Variants in CBFB observed in about 807,000 individuals in gnomAD.
CBFB encodes core-binding factor subunit beta, also known as CBF-beta.
Under a neutral mutation model 30.4 loss-of-function variants are expected in CBFB, and 9 were observed. That is an observed-to-expected ratio of 0.30 (90% confidence interval 0.18 to 0.52). CBFB has a LOEUF of 0.52. CBFB is among the 20% of genes least tolerant of loss of function. The probability of loss-of-function intolerance (pLI) is 0.97; values close to 1 mark genes in which losing one functional copy is unlikely to be tolerated. For missense variants in CBFB, 170 were observed against 244.0 expected (o/e 0.70, Z 2.02); for synonymous variants, 94 against 84.0 (o/e 1.12, Z -0.65).
At chr16:67,057,436 TTTGA>T (rs548088176) in intron 3 of CBFB, among the ~76,000 whole-genome samples, 38 of 152,326 alleles carry the variant, frequency 2.5e-4, no homozygotes, top group African/African-American at 8.4e-4. Context: ...TTTTTACATC[TTTGA>T]TTAAGTTTTA....
chr16:67,057,694 T>A (rs1960770774), intron 3 of CBFB, among the ~76,000 whole-genome samples: 1 of 152,250 alleles, frequency 6.6e-6, no homozygotes, highest in Non-Finnish European at 1.5e-5. Context: ...GTTAGTTATG[T>A]TAATTTTGTT....
At chr16:67,045,462 G>A (rs1017292077) in intron 3 of CBFB, among the ~76,000 whole-genome samples, 3 of 151,934 alleles carry the variant, frequency 2.0e-5, no homozygotes, top group Non-Finnish European at 2.9e-5. Flanking sequence ...GGTTGCAGTG[G>A]GCTGAGATTG....
Position 67,066,745 on chromosome 16 carries a change from C to T in CBFB, c.346C>T (p.Leu116Phe), listed in dbSNP as rs1397697429. The change falls in exon 4 of 6, where the codon CTC becomes TTC. Residue 116 changes from leucine (L) to phenylalanine (F), a missense_variant. By Grantham distance (22) the Leu-to-Phe change is conservative. Coordinates refer to ENST00000412916, the MANE Select transcript of CBFB (RefSeq NM_022845.3). ...VCVIWKGWID[L>F]QRLDGMGCLE... ...TGTTATCTGGAAAGGCTGGATTGATCTCCAAAGACTGGATGGTATGGGCTG... is the reference window on the plus strand; with the variant it reads ...TGTTATCTGGAAAGGCTGGATTGATTTCCAAAGACTGGATGGTATGGGCTG... 7 of 1,610,606 alleles carry T rather than the reference C, an allele frequency of 4.3e-6. No individual in the cohort carries two copies. The highest frequency in any genetic ancestry group is 1.3e-5 in the African/African-American group (1 of 74,788).
chr16:67,053,159 A>G (rs74461096), intron 3 of CBFB, among the ~76,000 whole-genome samples: 1 of 151,886 alleles, frequency 6.6e-6, no homozygotes, highest in African/African-American at 2.4e-5. Flanking sequence ...ATCTCTAAAT[A>G]ACGCATTGTT....
intron 5 of CBFB, among the ~76,000 whole-genome samples, chr16:67,097,738 C>T (rs75271906): frequency 3.3e-5 from 5 of 152,056 alleles, no homozygotes; most frequent in Non-Finnish European, 7.3e-5. Flanking sequence ...AATAATAGCA[C>T]TTATGTCATA....
chr16:67,074,003 C>T (rs1027062236), intron 4 of CBFB, among the ~76,000 whole-genome samples: 1 of 152,076 alleles, frequency 6.6e-6, no homozygotes, highest in African/African-American at 2.4e-5. Flanking sequence ...CACTCCAAGC[C>T]TGGGCAACAG....
chr16:67,072,627 C>T (rs1015801008), intron 4 of CBFB, among the ~76,000 whole-genome samples: 14 of 152,074 alleles, frequency 9.2e-5, no homozygotes, highest in Admixed American at 4.6e-4. Flanking sequence ...CCACCATGCC[C>T]GGCTAATTTT....
chr16:67,046,885 A>G (rs145269033), intron 3 of CBFB, among the ~76,000 whole-genome samples: 104 of 152,324 alleles, frequency 6.8e-4, no homozygotes, highest in Middle Eastern at 3.4e-3. Context: ...GTGATATGGT[A>G]GACTTTAATT....
chr16:67,080,732 C>G (rs1226166579), intron 4 of CBFB, among the ~76,000 whole-genome samples: 1 of 152,146 alleles, frequency 6.6e-6, no homozygotes, highest in African/African-American at 2.4e-5. Context: ...TGCTGTTCAT[C>G]TTCATTTATA....
At chr16:67,075,221 G>GTGTT (rs2145761913) in intron 4 of CBFB, among the ~76,000 whole-genome samples, 1 of 146,658 alleles carries the variant, frequency 6.8e-6, no homozygotes, top group South Asian at 2.2e-4. Flanking sequence ...GTGTGTGTGT[G>GTGTT]TGTGTGTGTG....
intron 4 of CBFB, among the ~76,000 whole-genome samples, chr16:67,069,342 C>A (rs1467577949): frequency 6.6e-6 from 1 of 151,796 alleles, no homozygotes; most frequent in Non-Finnish European, 1.5e-5. Flanking sequence ...TGCACTCCAG[C>A]CTGGGCGACA....
chr16:67,064,651 T>A (rs1239156900), intron 3 of CBFB, among the ~76,000 whole-genome samples: 1 of 152,204 alleles, frequency 6.6e-6, no homozygotes, highest in African/African-American at 2.4e-5. Context: ...AACACCGTCC[T>A]TTCTGGGTGG....
chr16:67,029,403 G>C lies in CBFB; in HGVS notation c.-5G>C. 3.9e-6 allele frequency: 6 copies of C among 1,553,500 alleles called. No homozygotes were observed. Among genetic ancestry groups the C allele is most frequent in the Non-Finnish European group, 5.2e-6 (6 of 1,153,088 alleles). ...GGCCGGCCGGCGCGGCCTCAGGGCG[G>C]GAAGATGCCGCGCGTCGTGCCCGAC... On this transcript the variant is annotated 5_prime_UTR_variant, in exon 1 of 6. Transcript: ENST00000412916.
intron 3 of CBFB, among the ~76,000 whole-genome samples, chr16:67,037,666 A>ATTTT (rs35804914): frequency 1.8e-4 from 23 of 129,290 alleles, no homozygotes; most frequent in African/African-American, 5.6e-4. Context: ...GATTTTGGTA[A>ATTTT]TTTTTTTTTT....
At chr16:67,090,668 G>T (rs1354803144) in intron 5 of CBFB, among the ~76,000 whole-genome samples, 2 of 152,104 alleles carry the variant, frequency 1.3e-5, no homozygotes, top group African/African-American at 2.4e-5. Context: ...AGGTGACAGG[G>T]TGCTTAAAGA....
At chr16:67,036,842 G>T in intron 3 of CBFB, 87 bp downstream of exon 3, 1 of 802,268 alleles carries the variant, frequency 1.2e-6, no homozygotes, top group Non-Finnish European at 2.2e-6. Flanking sequence ...AAAGATCACA[G>T]ATCTGATTAT....
chr16:67,047,269 T>C (rs1966643876), intron 3 of CBFB, among the ~76,000 whole-genome samples: 1 of 152,176 alleles, frequency 6.6e-6, no homozygotes, highest in South Asian at 2.1e-4. Context: ...CAATGCCATG[T>C]GTGGAAACTA....
intron 2 of CBFB, among the ~76,000 whole-genome samples, chr16:67,030,874 G>GT (rs2145704780): frequency 6.6e-6 from 1 of 152,314 alleles, no homozygotes; most frequent in East Asian, 1.9e-4. Flanking sequence ...GATTACAGGC[G>GT]TGAGCCACTG....
intron 3 of CBFB, among the ~76,000 whole-genome samples, chr16:67,060,840 C>T (rs1398437805): frequency 6.6e-6 from 1 of 152,232 alleles, no homozygotes; most frequent in African/African-American, 2.4e-5. Context: ...CAGGCATGAG[C>T]CACTGCGCCA....
Sources: gnomAD v4.1 joint callset for allele counts (sites outside exome capture counted in the v4.1 genomes callset) on GRCh38, gnomAD v4.1.1 for gene constraint, MANE v1.5 for transcripts, NCBI Gene and HGNC (gene_info 2026-07-23, HGNC 2026-07-21) for gene names.